Variants in FSTL4 observed in about 807,000 individuals in gnomAD.
The protein encoded by FSTL4 is follistatin-related protein 4.
In FSTL4, 28 loss-of-function variants were observed where a neutral mutation model predicts 78.2. The observed-to-expected ratio is 0.36, with a 90% CI of 0.27 to 0.49. FSTL4 has a LOEUF of 0.49. FSTL4 is among the 20% of genes least tolerant of loss of function. The probability of loss-of-function intolerance (pLI) is 0.98; values close to 1 mark genes in which losing one functional copy is unlikely to be tolerated. For synonymous variants in FSTL4, 422 were observed against 440.5 expected, an observed-to-expected ratio of 0.96 and a Z score of 0.53; for missense variants, 922 against 1,084.9, an observed-to-expected ratio of 0.85 and a Z score of 2.11.
chr5:133,400,117 G>A (rs1351963925), intron 4 of FSTL4, among the ~76,000 whole-genome samples: 1 of 152,198 alleles, frequency 6.6e-6, no homozygotes, highest in Non-Finnish European at 1.5e-5. Flanking sequence ...CGTCTAGTGG[G>A]AGCTGGTACT....
chr5:133,434,406 C>T (rs945396796), intron 3 of FSTL4, among the ~76,000 whole-genome samples: 6 of 152,158 alleles, frequency 3.9e-5, no homozygotes, highest in African/African-American at 1.2e-4. Context: ...TTATATCATG[C>T]TTTTAAACTT....
chr5:133,416,027 C>T (rs1256676964), intron 3 of FSTL4, among the ~76,000 whole-genome samples: 2 of 152,206 alleles, frequency 1.3e-5, no homozygotes, highest in Non-Finnish European at 2.9e-5. Context: ...ACGTTTAACG[C>T]TCACATCTTT....
the FSTL4 span, among the ~76,000 whole-genome samples, chr5:133,635,131 T>C: frequency 1.3e-5 from 2 of 151,856 alleles, no homozygotes; most frequent in African/African-American, 2.4e-5. Context: ...TATGTCTAAG[T>C]TGGAGTGGAA....
chr5:133,490,544 T>G (rs1758247683), intron 3 of FSTL4, among the ~76,000 whole-genome samples: 1 of 152,232 alleles, frequency 6.6e-6, no homozygotes, highest in Non-Finnish European at 1.5e-5. Context: ...CAAGTATTGC[T>G]TTAGCAGCAT....
At chr5:133,767,213 G>A in the FSTL4 span, among the ~76,000 whole-genome samples, 1 of 152,196 alleles carries the variant, frequency 6.6e-6, no homozygotes, top group African/African-American at 2.4e-5. Flanking sequence ...CCGAGGGAAA[G>A]GAAGCTGTAA....
chr5:133,675,812 T>C, the FSTL4 span, among the ~76,000 whole-genome samples: 37,214 of 152,158 alleles, frequency 0.24, 4,866 homozygotes, highest in Admixed American at 0.34. Flanking sequence ...GGGCAGATCT[T>C]AGAGAACCTC....
In FSTL4 at chr5:133,509,189, C is replaced by A. The variant is rs148865295; in HGVS notation, c.160+57997G>T. On this transcript the variant is annotated intron_variant, in intron 3 of 15. Coordinates refer to ENST00000265342, the MANE Select transcript of FSTL4 (RefSeq NM_015082.2). ...TCCCTGTGTTTAAGCCTCCTTCAGA[C>A]CACAGCAGAGCTGCCCTGCTACACT... Among the ~76,000 whole-genome samples, 1,074 of 152,298 alleles carry A rather than the reference C, an allele frequency of 7.1e-3. 9 individuals carry two copies. The highest frequency in any genetic ancestry group is 0.024 in the African/African-American group (988 of 41,542).
At chr5:133,502,478 TCTC>T (rs1430093924) in intron 3 of FSTL4, among the ~76,000 whole-genome samples, 2 of 152,058 alleles carry the variant, frequency 1.3e-5, no homozygotes, top group African/African-American at 4.8e-5. Flanking sequence ...CCCCACGAAA[TCTC>T]CTGTGGAATT....
the FSTL4 span, among the ~76,000 whole-genome samples, chr5:133,625,790 T>TATATTCC: frequency 1.2e-4 from 1 of 8,614 alleles, no homozygotes; most frequent in African/African-American, 8.0e-4. Context: ...ATATTCCATA[T>TATATTCC]ATATATATAT....
the FSTL4 span, among the ~76,000 whole-genome samples, chr5:133,709,677 A>G: frequency 5.8e-4 from 88 of 152,254 alleles, no homozygotes; most frequent in Non-Finnish European, 9.6e-4. Context: ...TCACTGCCAA[A>G]ATGACCAGAA....
At chr5:133,762,422 T>C in the FSTL4 span, among the ~76,000 whole-genome samples, 1 of 152,320 alleles carries the variant, frequency 6.6e-6, no homozygotes, top group East Asian at 1.9e-4. Context: ...CTTTGGAATG[T>C]AGTCCCAGAA....
intron 1 of FSTL4, among the ~76,000 whole-genome samples, chr5:133,609,221 T>C (rs1761038261): frequency 6.6e-6 from 1 of 152,222 alleles, no homozygotes; most frequent in Non-Finnish European, 1.5e-5. Flanking sequence ...ACAGTCAGAT[T>C]TGTGACCCTG....
chr5:133,451,519 C>T (rs966125026), intron 3 of FSTL4, among the ~76,000 whole-genome samples: 1 of 152,170 alleles, frequency 6.6e-6, no homozygotes, highest in Non-Finnish European at 1.5e-5. Flanking sequence ...TGAGATCATG[C>T]CACTTCACTC....
intron 3 of FSTL4, among the ~76,000 whole-genome samples, chr5:133,490,948 T>C (rs1758254184): frequency 1.3e-5 from 2 of 152,150 alleles, no homozygotes; most frequent in Admixed American, 6.5e-5. Flanking sequence ...CAGAGCCTAC[T>C]TGAGGGTGGA....
the FSTL4 span, among the ~76,000 whole-genome samples, chr5:133,779,094 C>A: frequency 1.3e-5 from 2 of 152,308 alleles, no homozygotes; most frequent in East Asian, 1.9e-4. Flanking sequence ...CCTGCTATGA[C>A]TTTGGGAAAA....
At chr5:133,828,854 CG>C in the FSTL4 span, among the ~76,000 whole-genome samples, 1 of 152,206 alleles carries the variant, frequency 6.6e-6, no homozygotes, top group Admixed American at 6.5e-5. Flanking sequence ...GTAACCAATA[CG>C]AAGTGCTTGC....
intron 13 of FSTL4, among the ~76,000 whole-genome samples, chr5:133,215,594 G>A (rs1233129113): frequency 1.3e-5 from 2 of 151,976 alleles, no homozygotes; most frequent in East Asian, 3.9e-4. Flanking sequence ...CTCTTCTCTT[G>A]TAGTGCATTA....
rs531549260 is a variant in FSTL4 at position 133,423,466 on chromosome 5, T to C, written c.161-22480A>G. On this transcript the variant is annotated intron_variant, in intron 3 of 15. Transcript: ENST00000265342. ...TGGAAGAGGCCCTCAGCCTCCCTCC[T>C]GGAACCTCAGCGGGCAGGGCTGCCC... Among the ~76,000 whole-genome samples the C allele has an allele frequency of 2.6e-5, 4 of 152,342 alleles. No individual in the cohort carries two copies. The South Asian group carries it at 6.2e-4, about 24-fold the overall frequency.
chr5:133,598,128 C>T lies in FSTL4; in HGVS notation c.126+5730G>A, dbSNP rs1268984078. ...TATTTTCCAGCATGACTGCAGCCTG[C>T]CCATTTCTCTCCTTTCCCTGACTGC... On this transcript the variant is annotated intron_variant, in intron 2 of 15. Coordinates refer to ENST00000265342, the MANE Select transcript of FSTL4 (RefSeq NM_015082.2). 2.0e-5 allele frequency among the ~76,000 whole-genome samples: 3 copies of T among 152,218 alleles called. No homozygotes were observed. In the East Asian group the frequency reaches 5.8e-4, roughly 29 times the overall value.
Sources: allele counts gnomAD v4.1 joint callset (sites outside exome capture counted in the v4.1 genomes callset), GRCh38; gene constraint gnomAD v4.1.1; transcripts MANE v1.5; gene names NCBI Gene and HGNC (gene_info 2026-07-23, HGNC 2026-07-21).